Variants in PTCHD4 observed in about 807,000 individuals in gnomAD.
PTCHD4 encodes patched domain-containing protein 4.
In PTCHD4, 33 loss-of-function variants were observed where a neutral mutation model predicts 58.1. The ratio of observed to expected loss-of-function variants is 0.57; its 90% CI spans 0.43 to 0.76. The LOEUF is 0.76. Among genes scored for constraint, PTCHD4 ranks in the 30% least tolerant of loss-of-function variants. The pLI, the probability that PTCHD4 is intolerant of heterozygous loss-of-function variation, is 0.00. For synonymous variants in PTCHD4, 478 were observed against 409.6 expected, an observed-to-expected ratio of 1.17 and a Z score of -2.02; for missense variants, 1,058 against 1,027.1, an observed-to-expected ratio of 1.03 and a Z score of -0.41.
chr6:47,989,695 G>A (rs1581980864), intron 4 of PTCHD4, among the ~76,000 whole-genome samples: 1 of 152,172 alleles, frequency 6.6e-6, no homozygotes, highest in South Asian at 2.1e-4. Flanking sequence ...CCTCTGACTA[G>A]GTTTCGGAAG....
rs896784884 is a variant in PTCHD4 at position 48,068,872 on chromosome 6, G to C, written c.5+81C>G. ...GCGGGCAAATACCGACAGCGCGCGT[G>C]GGGGCGGGCGGCGGGCGCCGCGGGG... On this transcript the variant is annotated intron_variant, in intron 2 of 4. Coordinates refer to ENST00000339488, the MANE Select transcript of PTCHD4 (RefSeq NM_001384253.1). This position sits in a 1 kb window ranked among gnomAD's most constrained non-coding sequence, Gnocchi z 4.2. Among the ~76,000 whole-genome samples, 1 of 151,780 alleles carries C rather than the reference G, an allele frequency of 6.6e-6. No homozygotes were observed. Among genetic ancestry groups the C allele is most frequent in the Non-Finnish European group, 1.5e-5 (1 of 67,912 alleles).
intron 4 of PTCHD4, among the ~76,000 whole-genome samples, chr6:48,006,782 T>C (rs767615440): frequency 6.6e-6 from 1 of 152,250 alleles, no homozygotes. Flanking sequence ...AGTGAATCCA[T>C]TGCACTTAAA....
chr6:47,887,107 T>C (rs1449776607), intron 4 of PTCHD4, among the ~76,000 whole-genome samples: 1 of 152,008 alleles, frequency 6.6e-6, no homozygotes, highest in African/African-American at 2.4e-5. Flanking sequence ...ATGATCTACA[T>C]GTAGAAATTT....
In PTCHD4 at chr6:47,865,121, G is replaced by A. The variant is rs1026068807; in HGVS notation, c.*13182C>T. ...ATGTTTATATATGTAGATTAATCTA[G>A]ATACTATTGTAGTGTCTCTAGCTAT... On this transcript the variant is annotated 3_prime_UTR_variant, in exon 5 of 5. Transcript: ENST00000339488. 2.0e-5 allele frequency among the ~76,000 whole-genome samples: 3 copies of A among 151,858 alleles called. No individual in the cohort carries two copies. Among genetic ancestry groups the A allele is most frequent in the Non-Finnish European group, 2.9e-5 (2 of 67,888 alleles).
At chr6:48,049,184 G>T (rs977548290) in intron 3 of PTCHD4, among the ~76,000 whole-genome samples, 2 of 151,848 alleles carry the variant, frequency 1.3e-5, no homozygotes, top group African/African-American at 4.8e-5. Flanking sequence ...TCACGACTTG[G>T]GGGAGGAGGA....
rs1261869634 is a variant in PTCHD4 at position 47,866,584 on chromosome 6, C to T, written c.*11719G>A. Among the ~76,000 whole-genome samples the T allele has an allele frequency of 3.3e-5, 5 of 151,788 alleles. No individual in the cohort carries two copies. The East Asian group carries it at 9.7e-4, about 30-fold the overall frequency. On this transcript the variant is annotated 3_prime_UTR_variant, in exon 5 of 5. Coordinates refer to ENST00000339488, the MANE Select transcript of PTCHD4 (RefSeq NM_001384253.1). ...GTGAACCAGTTGGAAAATGGGGCCTCCCCAGGCCAACTCCAACCTTATCTA... is the reference window on the plus strand; with the variant it reads ...GTGAACCAGTTGGAAAATGGGGCCTTCCCAGGCCAACTCCAACCTTATCTA...
chr6:47,920,294 A>G (rs1291096460), intron 4 of PTCHD4, among the ~76,000 whole-genome samples: 2 of 152,096 alleles, frequency 1.3e-5, no homozygotes, highest in African/African-American at 2.4e-5. Context: ...AAAGGCAGAA[A>G]ATGTATATGT....
At chr6:47,901,596 TGA>T (rs1764706477) in intron 4 of PTCHD4, 1 of 1,059,108 alleles carries the variant, frequency 9.4e-7, no homozygotes, top group African/African-American at 1.7e-5. Context: ...TAGTTTCCCA[TGA>T]GAGGAGTCAG....
At chr6:47,960,376 C>T (rs540054217) in intron 4 of PTCHD4, among the ~76,000 whole-genome samples, 1 of 152,052 alleles carries the variant, frequency 6.6e-6, no homozygotes, top group South Asian at 2.1e-4. Context: ...ACATAAAATG[C>T]AAGTGGTTTA....
intron 1 of PTCHD4, among the ~76,000 whole-genome samples, chr6:48,088,802 G>A (rs1194944959): frequency 3.9e-5 from 6 of 152,162 alleles, no homozygotes; most frequent in Admixed American, 1.3e-4. Context: ...CCAGCGCTCT[G>A]GGAGGCCGAG....
chr6:47,980,700 G>A (rs1000408869), intron 4 of PTCHD4, among the ~76,000 whole-genome samples: 1 of 151,640 alleles, frequency 6.6e-6, no homozygotes, highest in Non-Finnish European at 1.5e-5. Context: ...TATTTTAAAT[G>A]AAAATAATTA....
At chr6:47,972,922 GC>G (rs1174540110) in intron 4 of PTCHD4, among the ~76,000 whole-genome samples, 2 of 151,870 alleles carry the variant, frequency 1.3e-5, no homozygotes, top group Non-Finnish European at 2.9e-5. Flanking sequence ...GAATTTTATG[GC>G]TTGCAAGTTG....
intron 4 of PTCHD4, among the ~76,000 whole-genome samples, chr6:47,939,546 T>C (rs1766131091): frequency 6.6e-6 from 1 of 151,996 alleles, no homozygotes; most frequent in African/African-American, 2.4e-5. Context: ...AATGAAAACA[T>C]TTGTCTTACA....
chr6:48,036,268 C>A (rs1479796765), intron 3 of PTCHD4, among the ~76,000 whole-genome samples: 1 of 152,042 alleles, frequency 6.6e-6, no homozygotes, highest in African/African-American at 2.4e-5. Flanking sequence ...CCAAGCCAGA[C>A]TAAGGTCATG....
intron 4 of PTCHD4, among the ~76,000 whole-genome samples, chr6:47,993,671 G>T (rs144444499): frequency 1.4e-4 from 22 of 152,252 alleles, no homozygotes; most frequent in South Asian, 1.2e-3. Context: ...CATTTCCTTT[G>T]AACATGTTTG....
intron 4 of PTCHD4, among the ~76,000 whole-genome samples, chr6:47,961,692 A>AT (rs1230681272): frequency 5.9e-5 from 9 of 152,110 alleles, no homozygotes; most frequent in East Asian, 1.9e-4. Flanking sequence ...TCAAAGAAAC[A>AT]TTTTTTTTAA....
intron 4 of PTCHD4, among the ~76,000 whole-genome samples, chr6:48,004,902 G>A (rs893258363): frequency 2.0e-5 from 3 of 152,012 alleles, no homozygotes; most frequent in Admixed American, 6.6e-5. Context: ...GGGTGACAGA[G>A]CGAGACTTCA....
intron 1 of PTCHD4, among the ~76,000 whole-genome samples, chr6:48,071,773 T>C (rs1434607164): frequency 6.6e-6 from 1 of 152,216 alleles, no homozygotes; most frequent in Non-Finnish European, 1.5e-5. Context: ...CTTTTCATTG[T>C]CTTGTCTCTT....
At position 47,867,875 on chromosome 6, in the gene PTCHD4, A is replaced by G. The variant is rs1763612528; in HGVS notation, c.*10428T>C. Among the ~76,000 whole-genome samples, 1 of 151,758 alleles carries G rather than the reference A, an allele frequency of 6.6e-6. No homozygotes were observed. The highest frequency in any genetic ancestry group is 2.4e-5 in the African/African-American group (1 of 41,386). On this transcript the variant is annotated 3_prime_UTR_variant, in exon 5 of 5. Coordinates refer to ENST00000339488, the MANE Select transcript of PTCHD4 (RefSeq NM_001384253.1). The stretch of plus-strand genomic sequence containing the variant: ...TTCTGAGCCTAGCACAGAGACCAAT[A>G]TAGGTGCTCCTAAATATGAGGTAAG...
Sources: allele counts gnomAD v4.1 joint callset (sites outside exome capture counted in the v4.1 genomes callset), GRCh38; gene constraint gnomAD v4.1.1; non-coding constraint Gnocchi (gnomAD v3.1); transcripts MANE v1.5; gene names NCBI Gene and HGNC (gene_info 2026-07-23, HGNC 2026-07-21).